The following CADM1 variants were observed in gnomAD, a reference collection of about 807,000 sequenced individuals.
CADM1 encodes the protein TSLC-1.
Under a neutral mutation model 53.1 loss-of-function variants are expected in CADM1, and 15 were observed. The observed-to-expected ratio is 0.28, with a 90% CI of 0.19 to 0.44. CADM1 has a LOEUF of 0.44. Among genes scored for constraint, CADM1 ranks in the 20% least tolerant of loss-of-function variants. The pLI, the probability that CADM1 is intolerant of heterozygous loss-of-function variation, is 1.00. For synonymous variants in CADM1, 281 were observed against 243.0 expected, an observed-to-expected ratio of 1.16 and a Z score of -1.45; for missense variants, 434 against 611.3, an observed-to-expected ratio of 0.71 and a Z score of 3.06.
chr11:115,488,397 A>T (rs1354918671), intron 1 of CADM1, among the ~76,000 whole-genome samples: 1 of 152,204 alleles, frequency 6.6e-6, no homozygotes, highest in Non-Finnish European at 1.5e-5. Context: ...CAATAATGTC[A>T]GGAAGTTAGA....
chr11:115,475,724 C>G, intron 1 of CADM1, among the ~76,000 whole-genome samples: 1 of 151,986 alleles, frequency 6.6e-6, no homozygotes, highest in East Asian at 1.9e-4. Context: ...CCAGAAAAAG[C>G]AAAACTATAG....
Position 115,176,366 on chromosome 11 carries a change from C to CA in CADM1, c.*107dup. On this transcript the variant is annotated 3_prime_UTR_variant, in exon 12 of 12. Coordinates refer to ENST00000331581, the MANE Select transcript of CADM1 (RefSeq NM_001301043.2). ...AAGCCTTCCCAGTCTCACACCTTTC[C>CA]ACCCATTCATAAAAAAACACACGAA... 6.3e-7 allele frequency: 1 copy of CA among 1,594,086 alleles called. No homozygotes were observed. Among genetic ancestry groups the CA allele is most frequent in the South Asian group, 1.1e-5 (1 of 90,048 alleles).
At chr11:115,472,668 C>T (rs1812098791) in intron 1 of CADM1, among the ~76,000 whole-genome samples, 1 of 152,134 alleles carries the variant, frequency 6.6e-6, no homozygotes, top group African/African-American at 2.4e-5. Context: ...TTGCATGAGC[C>T]CTCTGGATGC....
intron 1 of CADM1, among the ~76,000 whole-genome samples, chr11:115,318,875 T>C (rs1944746047): frequency 6.6e-6 from 1 of 152,178 alleles, no homozygotes; most frequent in Middle Eastern, 3.2e-3. Flanking sequence ...ATTTTAAGTA[T>C]CTATAGGACA....
intron 1 of CADM1, among the ~76,000 whole-genome samples, chr11:115,405,585 C>A (rs1472125418): frequency 1.3e-5 from 2 of 152,064 alleles, no homozygotes; most frequent in African/African-American, 4.8e-5. Context: ...AGTCCATCAA[C>A]AGGAGAATAA....
intron 1 of CADM1, among the ~76,000 whole-genome samples, chr11:115,457,141 C>A (rs1948699521): frequency 6.6e-6 from 1 of 152,150 alleles, no homozygotes; most frequent in East Asian, 1.9e-4. Context: ...AGGTGGCTTA[C>A]AAAAGAGAAA....
chr11:115,503,475 C>T (rs1565459078), intron 1 of CADM1, among the ~76,000 whole-genome samples: 1 of 152,138 alleles, frequency 6.6e-6, no homozygotes, highest in African/African-American at 2.4e-5. Flanking sequence ...CGGGAAATCC[C>T]GTGTCCCCAC....
chr11:115,410,274 A>T (rs1442513195), intron 1 of CADM1, among the ~76,000 whole-genome samples: 6 of 152,242 alleles, frequency 3.9e-5, no homozygotes, highest in East Asian at 1.9e-4. Flanking sequence ...CTCCGATAAC[A>T]TCTATGTCCT....
chr11:115,173,808 C>T lies in CADM1; in HGVS notation c.*2666G>A, dbSNP rs2134560619. ...TGTACACCTTAAAAACAGAACTGGC[C>T]TAAAGGGAAAAATAAGACGTCGGTG... On this transcript the variant is annotated 3_prime_UTR_variant, in exon 12 of 12. Coordinates refer to ENST00000331581, the MANE Select transcript of CADM1 (RefSeq NM_001301043.2). 1 of 984,466 alleles carries T rather than the reference C, an allele frequency of 1.0e-6. No individual in the cohort carries two copies. The highest frequency in any genetic ancestry group is 4.7e-5 in the South Asian group (1 of 21,236). The allele number at this position is 984,466 out of a possible 1,614,324, so 61.0% of individuals were successfully genotyped here.
chr11:115,421,460 C>T (rs537858919), intron 1 of CADM1, among the ~76,000 whole-genome samples: 2 of 152,364 alleles, frequency 1.3e-5, no homozygotes, highest in South Asian at 2.1e-4. Flanking sequence ...CACACCTTTT[C>T]ACAGTAGCTG....
At chr11:115,371,865 A>G (rs1946317324) in intron 1 of CADM1, among the ~76,000 whole-genome samples, 1 of 152,082 alleles carries the variant, frequency 6.6e-6, no homozygotes, top group African/African-American at 2.4e-5. Context: ...CACTTTAAAC[A>G]TAAAGACTAA....
chr11:115,486,499 C>T (rs1949375882), intron 1 of CADM1, among the ~76,000 whole-genome samples: 2 of 151,838 alleles, frequency 1.3e-5, no homozygotes, highest in Non-Finnish European at 2.9e-5. Context: ...TACAGTTGTA[C>T]ACCACCGGGC....
Position 115,504,366 on chromosome 11 carries a change from G to T in CADM1, c.29C>A (p.Ser10Tyr), listed in dbSNP as rs765387727. The T allele has an allele frequency of 7.8e-6, 12 of 1,547,996 alleles. No individual in the cohort carries two copies. Among genetic ancestry groups the T allele is most frequent in the Admixed American group, 3.9e-5 (2 of 50,940 alleles). The change falls in exon 1 of 12, where the codon TCC (serine) becomes TAC (tyrosine). Residue 10 changes from serine (S) to tyrosine (Y), a missense_variant. This residue lies in a region of CADM1 where 76 missense variants were observed against 59.8 expected (regional missense o/e 1.27). Transcript: ENST00000331581. The part of the protein sequence containing the change: MASVVLPSG[S>Y]QCAAAAAAAA... Reference sequence around the variant, plus strand: ...CGCCGCCGCTGCCGCCGCACACTGGGATCCGCTCGGCAGCACTACACTCGC... The same window carrying T: ...CGCCGCCGCTGCCGCCGCACACTGGTATCCGCTCGGCAGCACTACACTCGC...
intron 1 of CADM1, among the ~76,000 whole-genome samples, chr11:115,429,876 C>T (rs1947998148): frequency 6.6e-6 from 1 of 152,038 alleles, no homozygotes. Context: ...GCTTACATCC[C>T]CCAGACCCGG....
rs1591306687 is a variant in CADM1 at position 115,496,618 on chromosome 11, G to A, written c.124+7653C>T. Among the ~76,000 whole-genome samples the A allele has an allele frequency of 2.6e-5, 4 of 152,248 alleles. 1 individual carries two copies. Among genetic ancestry groups the A allele is most frequent in the African/African-American group, 9.6e-5 (4 of 41,538 alleles). On this transcript the variant is annotated intron_variant, in intron 1 of 11. Transcript: ENST00000331581. ...GAGATTAGGTTTCTGAATGGGAAATGTTATGATCCTGTCCTGAAAAGAATT... is the reference window on the plus strand; with the variant it reads ...GAGATTAGGTTTCTGAATGGGAAATATTATGATCCTGTCCTGAAAAGAATT...
intron 1 of CADM1, among the ~76,000 whole-genome samples, chr11:115,410,714 T>A (rs1440025471): frequency 1.3e-5 from 2 of 152,020 alleles, no homozygotes; most frequent in Non-Finnish European, 2.9e-5. Flanking sequence ...GAGAAAAAGG[T>A]TATTTAACAG....
At chr11:115,355,814 G>T (rs1945854433) in intron 1 of CADM1, among the ~76,000 whole-genome samples, 1 of 151,998 alleles carries the variant, frequency 6.6e-6, no homozygotes, top group Non-Finnish European at 1.5e-5. Context: ...CTCTTTTCCT[G>T]AGGTAGGTTT....
intron 1 of CADM1, among the ~76,000 whole-genome samples, chr11:115,335,981 G>A (rs535999054): frequency 1.3e-5 from 2 of 152,116 alleles, no homozygotes; most frequent in East Asian, 3.9e-4. Flanking sequence ...TGCCAAATAC[G>A]CGTCTGAATA....
intron 1 of CADM1, among the ~76,000 whole-genome samples, chr11:115,254,561 CA>C (rs1942716141): frequency 1.4e-5 from 2 of 145,526 alleles, no homozygotes; most frequent in African/African-American, 5.2e-5. Flanking sequence ...CACACACACA[CA>C]CACACACACA....
Sources: gnomAD v4.1 joint callset for allele counts (sites outside exome capture counted in the v4.1 genomes callset) on GRCh38, gnomAD v4.1.1 for gene constraint, gnomAD v4.1.1 regional missense constraint, MANE v1.5 for transcripts, NCBI Gene and HGNC (gene_info 2026-07-23, HGNC 2026-07-21) for gene names.